The following TUB variants were observed in gnomAD, a reference collection of about 807,000 sequenced individuals.
TUB encodes tubby protein homolog.
TUB carries 33 observed loss-of-function variants against 59.7 expected under a neutral mutation model. The ratio of observed to expected loss-of-function variants is 0.55; its 90% CI spans 0.42 to 0.74. The LOEUF (loss-of-function observed/expected upper bound fraction) is 0.74. TUB is among the 30% of genes least tolerant of loss of function. The probability of loss-of-function intolerance (pLI) is 0.00; values close to 1 mark genes in which losing one functional copy is unlikely to be tolerated. For synonymous variants in TUB, 293 were observed against 256.4 expected, an observed-to-expected ratio of 1.14 and a Z score of -1.36; for missense variants, 659 against 672.0, an observed-to-expected ratio of 0.98 and a Z score of 0.21.
At chr11:8,036,711 CA>C (rs1942652101), upstream of TUB, among the ~76,000 whole-genome samples, 1 of 152,230 alleles carries the variant, frequency 6.6e-6, no homozygotes, top group Admixed American at 6.5e-5. Context: ...CTGCCTGCCC[CA>C]GGGAGCTATG....
At chr11:8,083,314 A>G (rs1589957033) in intron 1 of TUB, among the ~76,000 whole-genome samples, 1 of 151,942 alleles carries the variant, frequency 6.6e-6, no homozygotes, top group Non-Finnish European at 1.5e-5. Flanking sequence ...GGCTGTGGAG[A>G]TTATGACGTG....
chr11:8,055,074 G>A (rs557495252), intron 2 of TUB, among the ~76,000 whole-genome samples: 34 of 152,252 alleles, frequency 2.2e-4, no homozygotes, highest in Non-Finnish European at 2.6e-4. Context: ...GAGAGGAGAG[G>A]GTTTACTGTA....
upstream of TUB, chr11:8,038,595 A>T: frequency 8.7e-7 from 1 of 1,147,018 alleles, no homozygotes; most frequent in Non-Finnish European, 1.1e-6. Context: ...CATGGAAACC[A>T]GCAATTGGGT....
intron 2 of TUB, among the ~76,000 whole-genome samples, chr11:8,061,417 C>T (rs982502237): frequency 1.3e-5 from 2 of 152,212 alleles, no homozygotes; most frequent in Admixed American, 6.5e-5. Context: ...GTGGAAACAC[C>T]CTGCGGTGCC....
At chr11:8,053,447 G>C (rs1034458838) in intron 2 of TUB, among the ~76,000 whole-genome samples, 4 of 151,954 alleles carry the variant, frequency 2.6e-5, no homozygotes, top group African/African-American at 9.7e-5. Flanking sequence ...GTATTGCTGA[G>C]TGATTCCTCT....
rs1038664806 is a variant in TUB, at chr11:8,074,840, G to C, written c.204-14770G>C. 2.8e-5 allele frequency among the ~76,000 whole-genome samples: 4 copies of C among 143,378 alleles called. No homozygotes were observed. The South Asian group carries it at 6.8e-4, about 24-fold the overall frequency. 94.1% of individuals were successfully genotyped at this position (143,378 alleles called of 152,430 possible). A position where few individuals can be genotyped will look rare whatever the true frequency, so the allele number is the denominator to read the frequency against. ...TGGCTCACTACAACCTCCGCCTCCC[G>C]GGTTCAAGTGATTCTCCTGCCTCAG... On this transcript the variant is annotated intron_variant, in intron 2 of 12. Coordinates refer to the TUB transcript ENST00000305253.
chr11:8,096,153 C>A (rs989430307), intron 5 of TUB, among the ~76,000 whole-genome samples: 2 of 152,158 alleles, frequency 1.3e-5, no homozygotes, highest in African/African-American at 4.8e-5. Flanking sequence ...ATGGCATTCC[C>A]AGGGAATGGC....
intron 1 of TUB, among the ~76,000 whole-genome samples, chr11:8,032,293 C>G (rs1019875713): frequency 5.3e-5 from 8 of 152,200 alleles, no homozygotes; most frequent in Non-Finnish European, 1.2e-4. Context: ...AAGTATCGCC[C>G]TACAAGGCAG....
intron 10 of TUB, 78 bp from the exon 11 acceptor site, chr11:8,100,748 T>G: frequency 6.3e-7 from 1 of 1,582,978 alleles, no homozygotes; most frequent in Admixed American, 1.7e-5. Context: ...AGGACCCCCA[T>G]TCCCGGGATA....
intron 9 of TUB, among the ~76,000 whole-genome samples, chr11:8,099,904 T>C (rs1589992610): frequency 6.6e-6 from 1 of 151,968 alleles, no homozygotes; most frequent in Non-Finnish European, 1.5e-5. Context: ...CAGTAAATGG[T>C]GAGGAGAGGA....
chr11:8,100,588 T>C lies in TUB; in HGVS notation c.1202T>C (p.Ile401Thr), dbSNP rs761289823. Residue 401 changes from isoleucine to threonine, a missense_variant, in exon 10 of 12, where the codon ATC (isoleucine) becomes ACC (threonine). By Grantham distance (89) the Ile-to-Thr change is moderately conservative. Transcript: ENST00000299506. The stretch of plus-strand genomic sequence containing the variant: ...AACATGGTTCATGAGAGAGTCTCTA[T>C]CCGCCCCCGCAACGTGAGTGTCTAC... ...GMNMVHERVS[I>T]RPRNEHETLL... 6.2e-7 allele frequency: 1 copy of C among 1,613,902 alleles called. No homozygotes were observed. The highest frequency in any genetic ancestry group is 1.3e-5 in the African/African-American group (1 of 74,886).
chr11:8,061,477 A>G (rs1943124862), intron 2 of TUB, among the ~76,000 whole-genome samples: 1 of 152,108 alleles, frequency 6.6e-6, no homozygotes, highest in African/African-American at 2.4e-5. Context: ...CAGATCCCAA[A>G]TAAGTCAATG....
chr11:8,054,018 G>A (rs1428500077), intron 2 of TUB, among the ~76,000 whole-genome samples: 1 of 151,730 alleles, frequency 6.6e-6, no homozygotes, highest in African/African-American at 2.4e-5. Flanking sequence ...GGGAGGCTGA[G>A]GCAGGAGAAT....
At position 8,098,318 on chromosome 11, in the gene TUB, T is replaced by G. The variant is rs78380659; in HGVS notation, c.999-440T>G. 2.5e-3 allele frequency among the ~76,000 whole-genome samples: 381 copies of G among 152,032 alleles called. 3 individuals are homozygous for G. The highest frequency in any genetic ancestry group is 0.014 in the East Asian group (74 of 5,156). On this transcript the variant is annotated intron_variant, in intron 8 of 11. Coordinates refer to ENST00000299506, the MANE Select transcript of TUB (RefSeq NM_177972.3). ...GAGTACCAGATTTGGGGAGCATAAA[T>G]AAAGATGAGAGGTCAGGAGCTAAAG...
chr11:8,093,951 C>A (rs867935914), intron 3 of TUB, 95 bp from the exon 4 acceptor site: 92 of 1,516,238 alleles, frequency 6.1e-5, no homozygotes, highest in Non-Finnish European at 7.8e-5. Flanking sequence ...GGGGTGCAGT[C>A]AAAAATGCTG....
intron 2 of TUB, among the ~76,000 whole-genome samples, chr11:8,060,633 G>C (rs1270366070): frequency 6.6e-6 from 1 of 152,164 alleles, no homozygotes; most frequent in African/African-American, 2.4e-5. Flanking sequence ...GAGGGTGATG[G>C]GGAGGGAGAG....
At chr11:8,046,239 G>C (rs1942831151) in intron 2 of TUB, among the ~76,000 whole-genome samples, 1 of 152,108 alleles carries the variant, frequency 6.6e-6, no homozygotes, top group South Asian at 2.1e-4. Flanking sequence ...ACCACCTTTT[G>C]TCCAATGTCT....
intron 2 of TUB, among the ~76,000 whole-genome samples, chr11:8,073,848 G>C (rs1164547813): frequency 2.0e-5 from 3 of 152,154 alleles, no homozygotes; most frequent in Non-Finnish European, 4.4e-5. Context: ...CCAGCCCTGG[G>C]TCTCCCTGCC....
rs200534110 is a variant in TUB, at chr11:8,101,513, G to A, written c.1415G>A (p.Arg472Gln). ...DPDYIVMQFG[R>Q]VAEDVFTMDY... ...GACTACATCGTGATGCAGTTTGGCC[G>A]GGTAGCAGAGGATGTGTTCACCATG... Residue 472 changes from arginine (R) to glutamine (Q), a missense_variant, in exon 12 of 12, where the codon CGG becomes CAG. Coordinates refer to ENST00000299506, the MANE Select transcript of TUB (RefSeq NM_177972.3). The A allele has an allele frequency of 2.7e-5, 44 of 1,614,092 alleles. No individual in the cohort carries two copies. The highest frequency in any genetic ancestry group is 4.5e-5 in the East Asian group (2 of 44,900).
Sources: gnomAD v4.1 joint callset for allele counts (sites outside exome capture counted in the v4.1 genomes callset) on GRCh38, gnomAD v4.1.1 for gene constraint, MANE v1.5 for transcripts, NCBI Gene and HGNC (gene_info 2026-07-23, HGNC 2026-07-21) for gene names.